The following PCNX1 variants were observed in gnomAD, a reference collection of about 807,000 sequenced individuals.
PCNX1 encodes pecanex-like protein 1.
A neutral mutation model predicts 242.2 loss-of-function variants in PCNX1; 78 were observed. That is an observed-to-expected ratio of 0.32 (90% CI 0.27 to 0.39). PCNX1 has a LOEUF of 0.39. Ranked by LOEUF, PCNX1 falls within the 10% of genes least tolerant of loss-of-function variation. The pLI is 1.00. For missense variants in PCNX1, 2,581 were observed against 2,856.5 expected, an observed-to-expected ratio of 0.90 and a Z score of 2.20; for synonymous variants, 1,024 against 1,032.9, an observed-to-expected ratio of 0.99 and a Z score of 0.17.
At chr14:71,059,266 T>C (rs2061262875) in intron 26 of PCNX1, among the ~76,000 whole-genome samples, 1 of 152,210 alleles carries the variant, frequency 6.6e-6, no homozygotes, top group South Asian at 2.1e-4. Context: ...TCTTTTGCTA[T>C]CTAAATGCTA....
In PCNX1 at chr14:70,935,196, A is replaced by G. The variant is rs151000556; in HGVS notation, c.154-11719A>G. On this transcript the variant is annotated intron_variant, in intron 1 of 35. Coordinates refer to ENST00000304743, the MANE Select transcript of PCNX1 (RefSeq NM_014982.3). ...ATCAGGTACTGGTTTCCAGTATGTAATGGTCACCTAAATTTTTATTTTGTT... is the reference window on the plus strand; with the variant it reads ...ATCAGGTACTGGTTTCCAGTATGTAGTGGTCACCTAAATTTTTATTTTGTT... 3.1e-3 allele frequency among the ~76,000 whole-genome samples: 471 copies of G among 152,308 alleles called. 5 individuals are homozygous for G. Among genetic ancestry groups the G allele is most frequent in the African/African-American group, 0.011 (452 of 41,574 alleles).
chr14:70,943,276 T>A (rs2140273323), intron 1 of PCNX1, among the ~76,000 whole-genome samples: 1 of 152,216 alleles, frequency 6.6e-6, no homozygotes, highest in East Asian at 1.9e-4. Context: ...GACAGGAAGA[T>A]GTGGGAAAGT....
chr14:71,066,311 C>T (rs2141337379), intron 26 of PCNX1, among the ~76,000 whole-genome samples: 1 of 152,248 alleles, frequency 6.6e-6, no homozygotes, highest in Middle Eastern at 3.4e-3. Context: ...TGTAGTTCTC[C>T]TTGAAGAGGA....
rs756983862 is a variant in PCNX1, at chr14:71,047,001, G to A, written c.4056G>A (p.Val1352=). 1 of 1,610,694 alleles carries A rather than the reference G, an allele frequency of 6.2e-7. No individual in the cohort carries two copies. Among genetic ancestry groups the A allele is most frequent in the Admixed American group, 1.7e-5 (1 of 59,964 alleles). The change falls in exon 21 of 36, where the codon GTG becomes GTA. Residue 1352 remains valine, a synonymous_variant. Transcript: ENST00000304743. The part of the protein sequence containing the change: ...ATMMWFEKLH[V]WLLFVEKNII... ...TGATGTGGTTTGAGAAACTTCATGT[G>A]TGGCTTCTTTTTGTGGAGAAGAATA...
rs373254150 is a variant in PCNX1, at chr14:70,977,441, G to A, written c.1104G>A (p.Met368Ile). 5 of 1,614,068 alleles carry A rather than the reference G, an allele frequency of 3.1e-6. No homozygotes were observed. Among genetic ancestry groups the A allele is most frequent in the Non-Finnish European group, 4.2e-6 (5 of 1,180,032 alleles). The change falls in exon 6 of 36, where the codon ATG becomes ATA. Residue 368 changes from methionine (M) to isoleucine (I), a missense_variant. Met to Ile is a conservative substitution (Grantham distance 10). Transcript: ENST00000304743. ...KSKPLKAEKS[M>I]DSLRSLSTRS... is the part of the protein sequence containing the mutation. ...AACCTTTGAAAGCAGAGAAAAGCAT[G>A]GACAGCTTGAGGAGCCTGAGCACAC...
At chr14:71,031,862 T>G in intron 16 of PCNX1, 2 of 1,459,792 alleles carry the variant, frequency 1.4e-6, no homozygotes, top group Admixed American at 3.4e-5. Context: ...ACACACTGTT[T>G]CAGCACTTTC....
At chr14:71,091,051 G>A (rs1350413455) in intron 30 of PCNX1, among the ~76,000 whole-genome samples, 1 of 152,236 alleles carries the variant, frequency 6.6e-6, no homozygotes, top group Non-Finnish European at 1.5e-5. Flanking sequence ...TTTATAAACA[G>A]GGAGGTGAGA....
chr14:70,964,971 A>T (rs1289936841), intron 3 of PCNX1, among the ~76,000 whole-genome samples: 1 of 152,154 alleles, frequency 6.6e-6, no homozygotes, highest in Non-Finnish European at 1.5e-5. Context: ...ATTGCTGGAG[A>T]TATTACCATT....
rs1228662297 is a variant in PCNX1, at chr14:71,111,024, A to T, written c.*1089A>T. The T allele has an allele frequency of 6.7e-6, 1 of 150,156 alleles. No homozygotes were observed. Among genetic ancestry groups the T allele is most frequent in the Non-Finnish European group, 1.5e-5 (1 of 67,328 alleles). The allele number at this position is 150,156 out of a possible 1,614,324, so 9.3% of individuals were successfully genotyped here. A position where few individuals can be genotyped will look rare whatever the true frequency, so the allele number is the denominator to read the frequency against. ...TCAAATAAAAGTATCCAAGTGGTGC[A>T]GTTATTATTATATCCCTCTTTAATA... On this transcript the variant is annotated 3_prime_UTR_variant, in exon 36 of 36. Transcript: ENST00000304743.
intron 27 of PCNX1, among the ~76,000 whole-genome samples, chr14:71,075,667 CG>C (rs1386313862): frequency 6.6e-6 from 1 of 152,060 alleles, no homozygotes; most frequent in East Asian, 1.9e-4. Flanking sequence ...GAGGCCGAGG[CG>C]GATGGACCAC....
At chr14:71,096,286 C>T (rs2062278241) in intron 30 of PCNX1, among the ~76,000 whole-genome samples, 1 of 151,964 alleles carries the variant, frequency 6.6e-6, no homozygotes, top group Non-Finnish European at 1.5e-5. Context: ...CCACTGAACT[C>T]CAGCCTGGAG....
chr14:71,078,113 C>T (rs1162276068), intron 28 of PCNX1, among the ~76,000 whole-genome samples: 5 of 152,188 alleles, frequency 3.3e-5, no homozygotes, highest in Non-Finnish European at 5.9e-5. Context: ...TAGCTTATTT[C>T]ACTAATCCTG....
intron 26 of PCNX1, among the ~76,000 whole-genome samples, chr14:71,059,335 C>T (rs1017896620): frequency 1.3e-5 from 2 of 152,024 alleles, no homozygotes; most frequent in Non-Finnish European, 2.9e-5. Flanking sequence ...CTTTGAACTC[C>T]TATAGATTTG....
At chr14:70,979,340 A>G (rs1336446339) in intron 6 of PCNX1, among the ~76,000 whole-genome samples, 1 of 152,134 alleles carries the variant, frequency 6.6e-6, no homozygotes. Flanking sequence ...TTAAAGTAAT[A>G]GCTTATTTAT....
At chr14:71,068,643 T>TAGTTTA (rs1285378116) in intron 26 of PCNX1, among the ~76,000 whole-genome samples, 13 of 139,682 alleles carry the variant, frequency 9.3e-5, no homozygotes, top group African/African-American at 2.8e-4. Flanking sequence ...TATATACATA[T>TAGTTTA]ATTGTTGCAT....
At position 71,020,465 on chromosome 14, in the gene PCNX1, T is replaced by C. The variant is rs117720526; in HGVS notation, c.3150+1303T>C. On this transcript the variant is annotated intron_variant, in intron 12 of 35. Coordinates refer to ENST00000304743, the MANE Select transcript of PCNX1 (RefSeq NM_014982.3). ...ATCTGTTGTTTCCTGACTTTAATGA[T>C]TGCTGTTCTAACTGGCTTGAGATGG... Among the ~76,000 whole-genome samples the C allele has an allele frequency of 9.0e-3, 1,366 of 152,356 alleles. 10 individuals carry two copies. Among genetic ancestry groups the C allele is most frequent in the Non-Finnish European group, 0.012 (841 of 68,026 alleles).
intron 2 of PCNX1, among the ~76,000 whole-genome samples, chr14:70,953,681 TTTA>T (rs1212325856): frequency 6.7e-6 from 1 of 148,586 alleles, no homozygotes; most frequent in Non-Finnish European, 1.5e-5. Flanking sequence ...TTTTTTTTTT[TTTA>T]ATGAATTGGA....
At chr14:71,068,306 G>T (rs1177006429) in intron 26 of PCNX1, among the ~76,000 whole-genome samples, 1 of 151,688 alleles carries the variant, frequency 6.6e-6, no homozygotes, top group East Asian at 1.9e-4. Flanking sequence ...ACTCCAGCTT[G>T]GGTGACAGAG....
intron 7 of PCNX1, among the ~76,000 whole-genome samples, chr14:70,992,777 G>A (rs573162747): frequency 2.6e-5 from 4 of 152,114 alleles, no homozygotes; most frequent in African/African-American, 9.7e-5. Flanking sequence ...ACATAGAAGC[G>A]TAAAAAAAGA....
Sources: allele counts gnomAD v4.1 joint callset (sites outside exome capture counted in the v4.1 genomes callset), GRCh38; gene constraint gnomAD v4.1.1; transcripts MANE v1.5; gene names NCBI Gene and HGNC (gene_info 2026-07-23, HGNC 2026-07-21).